CTDP1: variants seen among roughly 807,000 people sequenced by gnomAD.
CTDP1 encodes the protein CTD phosphatase 1, also known as RNA polymerase II subunit A C-terminal domain phosphatase.
A neutral mutation model predicts 91.8 loss-of-function variants in CTDP1; 47 were observed. That is an observed-to-expected ratio of 0.51 (90% CI 0.41 to 0.65). The LOEUF (loss-of-function observed/expected upper bound fraction) is 0.65, where lower values mean the gene tolerates loss of function less well. Among genes scored for constraint, CTDP1 ranks in the 30% least tolerant of loss-of-function variants. The probability of loss-of-function intolerance (pLI) is 0.00; values close to 1 mark genes in which losing one functional copy is unlikely to be tolerated. For missense variants in CTDP1, 1,272 were observed against 1,373.7 expected, an observed-to-expected ratio of 0.93 and a Z score of 1.17; for synonymous variants, 656 against 598.5, an observed-to-expected ratio of 1.10 and a Z score of -1.40.
intron 12 of CTDP1, among the ~76,000 whole-genome samples, chr18:79,737,094 G>A (rs550608883): frequency 4.3e-4 from 66 of 152,368 alleles, no homozygotes; most frequent in African/African-American, 1.5e-3. Flanking sequence ...GGTGGGAAGA[G>A]CTGAGCACCG....
upstream of CTDP1, chr18:79,678,170 G>T (rs148592824): frequency 3.4e-3 from 525 of 152,338 alleles, 4 homozygotes; most frequent in African/African-American, 0.011. Context: ...TGAGAAAAGA[G>T]AATTTTTATC....
chr18:79,698,712 T>C (rs1034327482), intron 4 of CTDP1, among the ~76,000 whole-genome samples: 9 of 152,306 alleles, frequency 5.9e-5, no homozygotes, highest in East Asian at 1.9e-4. Flanking sequence ...GAACAGTATG[T>C]GGACTCTGGC....
chr18:79,741,520 T>C (rs564854906), intron 12 of CTDP1, among the ~76,000 whole-genome samples: 1 of 152,364 alleles, frequency 6.6e-6, no homozygotes, highest in East Asian at 1.9e-4. Context: ...CAACAGCTGA[T>C]GATGGCTCCC....
chr18:79,718,659 C>T (rs1013003449), intron 10 of CTDP1, among the ~76,000 whole-genome samples: 1 of 152,246 alleles, frequency 6.6e-6, no homozygotes, highest in East Asian at 1.9e-4. Flanking sequence ...AAGGTTGTGG[C>T]CCCTGGAGAC....
chr18:79,725,783 A>C (rs2086433535), intron 10 of CTDP1, among the ~76,000 whole-genome samples: 1 of 150,796 alleles, frequency 6.6e-6, no homozygotes, highest in South Asian at 2.1e-4. Context: ...TTGCTGGGGG[A>C]CGTTTTCACA....
At chr18:79,695,202 G>A in intron 1 of CTDP1, 23 bp from the exon 2 acceptor site, 1 of 1,610,156 alleles carries the variant, frequency 6.2e-7, no homozygotes, top group Non-Finnish European at 8.5e-7. Context: ...TTAAAGTGTT[G>A]TTCCCCTTGT....
At chr18:79,748,496 C>T (rs1010083598) in intron 12 of CTDP1, among the ~76,000 whole-genome samples, 6 of 152,186 alleles carry the variant, frequency 3.9e-5, no homozygotes, top group African/African-American at 1.2e-4. Context: ...CCCTGTCTCC[C>T]GAGTCAGCTA....
chr18:79,716,207 T>G (rs980569510), intron 8 of CTDP1, among the ~76,000 whole-genome samples: 1 of 152,206 alleles, frequency 6.6e-6, no homozygotes, highest in African/African-American at 2.4e-5. Context: ...CCAATCTGCT[T>G]CCTGTCCTGG....
At chr18:79,687,944 G>A (rs536280918) in intron 1 of CTDP1, among the ~76,000 whole-genome samples, 7 of 152,320 alleles carry the variant, frequency 4.6e-5, no homozygotes, top group East Asian at 1.9e-4. Context: ...TGGATGACTC[G>A]CTCTAGACCA....
At chr18:79,743,818 G>A (rs1357292442) in intron 12 of CTDP1, among the ~76,000 whole-genome samples, 5 of 152,190 alleles carry the variant, frequency 3.3e-5, no homozygotes, top group Non-Finnish European at 7.3e-5. Context: ...AATACATCGT[G>A]AAACAGATCA....
Position 79,714,539 on chromosome 18 carries a change from G to A in CTDP1, c.1079G>A (p.Arg360Lys). Residue 360 changes from arginine to lysine, a missense_variant, in exon 8 of 13, where the codon AGA (arginine) becomes AAA (lysine). By Grantham distance (26) the Arg-to-Lys change is conservative (BLOSUM62 2). Around this residue, in one of 3 missense-constraint regions of CTDP1, gnomAD observed 881 missense variants for 911.6 expected, o/e 0.97. Coordinates refer to ENST00000613122, the MANE Select transcript of CTDP1 (RefSeq NM_004715.5). ...TEVSEPSPPV[R>K]DPEGVTQAPG... Reference sequence around the variant, plus strand: ...GTCTCAGAGCCATCTCCGCCCGTGAGAGACCCTGAGGGGGTAACGCAGGCC... The same window carrying A: ...GTCTCAGAGCCATCTCCGCCCGTGAAAGACCCTGAGGGGGTAACGCAGGCC... 6.2e-7 allele frequency: 1 copy of A among 1,613,148 alleles called. No individual in the cohort carries two copies. The highest frequency in any genetic ancestry group is 8.5e-7 in the Non-Finnish European group (1 of 1,180,030).
chr18:79,735,240 C>T (rs779168775), intron 11 of CTDP1, among the ~76,000 whole-genome samples: 1 of 152,158 alleles, frequency 6.6e-6, no homozygotes, highest in Non-Finnish European at 1.5e-5. Context: ...GGGGTTAGGT[C>T]GGCGTCGGTG....
chr18:79,738,195 C>G (rs1414555463), intron 12 of CTDP1, among the ~76,000 whole-genome samples: 2 of 152,214 alleles, frequency 1.3e-5, no homozygotes. Context: ...GGCAGCATCT[C>G]CTTGAGGATT....
At position 79,704,898 on chromosome 18, in the gene CTDP1, G is replaced by C. The variant is rs370316956; in HGVS notation, c.753G>C (p.Leu251=). Residue 251 remains leucine, a synonymous_variant, in exon 5 of 13, where the codon CTG becomes CTC. Coordinates refer to ENST00000613122, the MANE Select transcript of CTDP1 (RefSeq NM_004715.5). ...ACGTCTTCACCTTCGGCAGCCGGCT[G>C]TACGCACACACCATCGCAGGTCAGT... is the stretch of plus-strand genomic sequence containing the variant. The part of the protein sequence containing the change: ...ELHVFTFGSR[L]YAHTIAGFLD... 6.2e-7 allele frequency: 1 copy of C among 1,613,432 alleles called. No individual in the cohort carries two copies. Among genetic ancestry groups the C allele is most frequent in the South Asian group, 1.1e-5 (1 of 91,088 alleles).
intron 1 of CTDP1, among the ~76,000 whole-genome samples, chr18:79,688,215 C>T (rs895872082): frequency 6.6e-6 from 1 of 152,272 alleles, no homozygotes; most frequent in Non-Finnish European, 1.5e-5. Context: ...GGGGCTCCCA[C>T]CCCTGTGGCT....
At chr18:79,701,530 TA>T (rs1568183907) in intron 4 of CTDP1, among the ~76,000 whole-genome samples, 9 of 1,442 alleles carry the variant, frequency 6.2e-3, no homozygotes, top group Non-Finnish European at 0.014. Flanking sequence ...ATAAATAAAT[TA>T]AATAAATAAA....
intron 1 of CTDP1, among the ~76,000 whole-genome samples, chr18:79,690,764 G>C (rs1453252141): frequency 6.6e-6 from 1 of 152,230 alleles, no homozygotes; most frequent in African/African-American, 2.4e-5. Context: ...CTGCCTCCAG[G>C]TGTGATATCC....
At chr18:79,744,347 G>GAGA (rs2086837707) in intron 12 of CTDP1, among the ~76,000 whole-genome samples, 1 of 152,226 alleles carries the variant, frequency 6.6e-6, no homozygotes, top group African/African-American at 2.4e-5. Context: ...ACCTGACACA[G>GAGA]ATACTTGGAG....
intron 1 of CTDP1, among the ~76,000 whole-genome samples, chr18:79,692,806 G>A (rs1484255936): frequency 6.6e-6 from 1 of 152,242 alleles, no homozygotes; most frequent in Non-Finnish European, 1.5e-5. Flanking sequence ...CTGGTGTCCT[G>A]TGTGGGGCAG....
Sources: allele counts gnomAD v4.1 joint callset (sites outside exome capture counted in the v4.1 genomes callset), GRCh38; gene constraint gnomAD v4.1.1; regional missense constraint gnomAD v4.1.1; transcripts MANE v1.5; gene names NCBI Gene and HGNC (gene_info 2026-07-23, HGNC 2026-07-21).